GAB4: variants seen among roughly 807,000 people sequenced by gnomAD.
GAB4 encodes the protein GRB2-associated-binding protein 4.
GAB4 carries 26 observed loss-of-function variants against 51.3 expected under a neutral mutation model. That is an observed-to-expected ratio of 0.51 (90% CI 0.37 to 0.70). The LOEUF (loss-of-function observed/expected upper bound fraction) is 0.70. Among genes scored for constraint, GAB4 ranks in the 30% least tolerant of loss-of-function variants. The probability of loss-of-function intolerance (pLI) is 0.00; values close to 1 mark genes in which losing one functional copy is unlikely to be tolerated. For missense variants in GAB4, 759 were observed against 734.6 expected, an observed-to-expected ratio of 1.03 and a Z score of -0.38; for synonymous variants, 329 against 291.2, an observed-to-expected ratio of 1.13 and a Z score of -1.32.
chr22:16,991,699 G>C (rs2060915221), intron 2 of GAB4, among the ~76,000 whole-genome samples, 174 bp downstream of exon 2: 1 of 152,182 alleles, frequency 6.6e-6, no homozygotes, highest in African/African-American at 2.4e-5. Context: ...AGAGGTGGAG[G>C]ACTGAGGATG....
chr22:16,984,002 A>G (rs1302240656), intron 3 of GAB4, among the ~76,000 whole-genome samples: 1 of 152,236 alleles, frequency 6.6e-6, no homozygotes, highest in African/African-American at 2.4e-5. Context: ...GAAAAAATTA[A>G]TAAGGTAAAG....
Position 16,962,706 on chromosome 22 carries a change from G to A in GAB4, c.*27C>T, listed in dbSNP as rs1195211284. The A allele has an allele frequency of 6.2e-7, 1 of 1,601,428 alleles. No homozygotes were observed. Among genetic ancestry groups the A allele is most frequent in the Non-Finnish European group, 8.5e-7 (1 of 1,175,950 alleles). ...GGAGCAGCTCTGAGGCACTGTCCTG[G>A]CCCCACTCTGGTTTTGGTGGCCCGA... is the stretch of plus-strand genomic sequence containing the variant. On this transcript the variant is annotated 3_prime_UTR_variant, in exon 10 of 10. Coordinates refer to ENST00000400588, the MANE Select transcript of GAB4 (RefSeq NM_001037814.1).
chr22:16,999,859 TC>T (rs2060982479), intron 1 of GAB4, among the ~76,000 whole-genome samples: 1 of 152,212 alleles, frequency 6.6e-6, no homozygotes, highest in Non-Finnish European at 1.5e-5. Flanking sequence ...CTCATTGGTT[TC>T]AAAGAACATC....
intron 1 of GAB4, among the ~76,000 whole-genome samples, chr22:16,996,557 G>C (rs1397384826): frequency 1.3e-5 from 2 of 152,162 alleles, no homozygotes; most frequent in Non-Finnish European, 2.9e-5. Context: ...GGCAGCCAGA[G>C]AGAAAGGTCG....
chr22:16,971,076 G>A (rs5992602), intron 3 of GAB4, among the ~76,000 whole-genome samples: 2,666 of 152,100 alleles, frequency 0.018, 87 homozygotes, highest in African/African-American at 0.061. Flanking sequence ...TGTAGTCCCA[G>A]TTACTTGGTT....
chr22:16,983,933 A>G (rs1450275879), intron 3 of GAB4, among the ~76,000 whole-genome samples: 1 of 152,236 alleles, frequency 6.6e-6, no homozygotes, highest in Admixed American at 6.5e-5. Context: ...ACAGGTAATC[A>G]AAGCAAAAAC....
intron 3 of GAB4, among the ~76,000 whole-genome samples, chr22:16,972,731 C>T (rs2060742640): frequency 6.6e-6 from 1 of 152,188 alleles, no homozygotes; most frequent in Non-Finnish European, 1.5e-5. Flanking sequence ...CCACCCTACT[C>T]ATTTCCTCCT....
At chr22:17,006,302 C>CAAAACCACAAT (rs1200744670) in intron 1 of GAB4, among the ~76,000 whole-genome samples, 1 of 147,170 alleles carries the variant, frequency 6.8e-6, no homozygotes, top group Non-Finnish European at 1.5e-5. Flanking sequence ...AGAAATGCAA[C>CAAAACCACAAT]GAGATACCAT....
chr22:16,965,838 T>C (rs1227979003), intron 6 of GAB4, among the ~76,000 whole-genome samples: 1 of 152,204 alleles, frequency 6.6e-6, no homozygotes, highest in Non-Finnish European at 1.5e-5. Context: ...CTAGCTCTTC[T>C]TCCTGGTCTA....
At chr22:16,979,226 G>C (rs2060806575) in intron 3 of GAB4, among the ~76,000 whole-genome samples, 2 of 152,172 alleles carry the variant, frequency 1.3e-5, no homozygotes, top group South Asian at 4.1e-4. Context: ...ATTTGGAAAA[G>C]AGGAAGTCAA....
intron 7 of GAB4, 98 bp from the exon 8 acceptor site, chr22:16,964,960 G>A (rs958380212): frequency 1.3e-5 from 12 of 897,424 alleles, no homozygotes; most frequent in Non-Finnish European, 1.9e-5. Context: ...AAGCATCCAG[G>A]CCTCACACTG....
intron 2 of GAB4, among the ~76,000 whole-genome samples, chr22:16,989,931 C>A (rs767303205): frequency 7.2e-5 from 11 of 152,218 alleles, no homozygotes; most frequent in Non-Finnish European, 1.5e-4. Context: ...GCAGCTCAGG[C>A]CTTTCTGGGG....
chr22:16,991,281 A>T (rs1272335880), intron 2 of GAB4, among the ~76,000 whole-genome samples: 1 of 151,692 alleles, frequency 6.6e-6, no homozygotes, highest in Non-Finnish European at 1.5e-5. Flanking sequence ...CAGGTTCAAG[A>T]ATGGCCAATT....
In GAB4 at chr22:16,988,093, G is replaced by A. The variant is rs779032941; in HGVS notation, c.553C>T (p.His185Tyr). Residue 185 changes from histidine to tyrosine, a missense_variant, in exon 3 of 10, where the codon CAC (histidine) becomes TAC (tyrosine). Physicochemically the swap from His to Tyr is moderately conservative, Grantham distance 83 (BLOSUM62 2). Around this residue, in one of 3 missense-constraint regions of GAB4, gnomAD observed 588 missense variants for 510.2 expected, o/e 1.15. Transcript: ENST00000400588. ...SPAEPSCSHQ[H>Y]LPQEQEPTSE... is the part of the protein sequence containing the mutation. Reference sequence around the variant, plus strand: ...GTGGGTTCTTGTTCTTGGGGGAGGTGCTGATGGGAGCAGCTGGGCTCAGCT... The same window carrying A: ...GTGGGTTCTTGTTCTTGGGGGAGGTACTGATGGGAGCAGCTGGGCTCAGCT... 1.1e-5 allele frequency: 17 copies of A among 1,610,188 alleles called. No homozygotes were observed. Among genetic ancestry groups the A allele is most frequent in the African/African-American group, 2.7e-5 (2 of 74,862 alleles).
In GAB4 at chr22:16,991,330, C is replaced by G. The variant is rs190473969; in HGVS notation, c.478+543G>C. ...TGCCTCAGGAAAAAAAAAAAAAAAGCCTGCTGCTCCTCAACCTTACTGGTG... is the reference window on the plus strand; with the variant it reads ...TGCCTCAGGAAAAAAAAAAAAAAAGGCTGCTGCTCCTCAACCTTACTGGTG... On this transcript the variant is annotated intron_variant, in intron 2 of 9. Transcript: ENST00000400588. Among the ~76,000 whole-genome samples, 4 of 147,658 alleles carry G rather than the reference C, an allele frequency of 2.7e-5. No homozygotes were observed. The East Asian group carries it at 7.8e-4, about 29-fold the overall frequency.
At chr22:16,971,797 A>T (rs1313855345) in intron 3 of GAB4, among the ~76,000 whole-genome samples, 3 of 152,224 alleles carry the variant, frequency 2.0e-5, no homozygotes, top group Non-Finnish European at 2.9e-5. Context: ...CTGGCCCAGA[A>T]GCTTAGAAAA....
Position 16,962,549 on chromosome 22 carries a change from G to C in GAB4, c.*184C>G, listed in dbSNP as rs1478778991. 2.2e-6 allele frequency: 1 copy of C among 454,358 alleles called. No individual in the cohort carries two copies. Among genetic ancestry groups the C allele is most frequent in the African/African-American group, 2.0e-5 (1 of 50,256 alleles). 28.1% of individuals were successfully genotyped at this position (454,358 alleles called of 1,614,324 possible). ...TGCTGGCAACTGCTCCTAGCAAGGG[G>C]GTGAAGGTGGGGACCATGGCCAGCC... On this transcript the variant is annotated 3_prime_UTR_variant, in exon 10 of 10. Coordinates refer to ENST00000400588, the MANE Select transcript of GAB4 (RefSeq NM_001037814.1).
chr22:16,989,051 C>T (rs1215616150), intron 2 of GAB4, among the ~76,000 whole-genome samples: 2 of 152,206 alleles, frequency 1.3e-5, no homozygotes, highest in Admixed American at 1.3e-4. Flanking sequence ...CTTCCTTGCC[C>T]AGTCCACGGG....
intron 3 of GAB4, among the ~76,000 whole-genome samples, chr22:16,986,615 A>G (rs2123695409): frequency 6.6e-6 from 1 of 152,332 alleles, no homozygotes. Flanking sequence ...ATTTGAAACC[A>G]TATCTGGCCG....
Sources: gnomAD v4.1 joint callset for allele counts (sites outside exome capture counted in the v4.1 genomes callset) on GRCh38, gnomAD v4.1.1 for gene constraint, gnomAD v4.1.1 regional missense constraint, MANE v1.5 for transcripts, NCBI Gene and HGNC (gene_info 2026-07-23, HGNC 2026-07-21) for gene names.